TICRR: variants seen among roughly 807,000 people sequenced by gnomAD.
TICRR encodes the protein treslin.
A neutral mutation model predicts 178.1 loss-of-function variants in TICRR; 132 were observed. That is an observed-to-expected ratio of 0.74 (90% CI 0.64 to 0.86). The LOEUF is 0.86. Ranked by LOEUF, TICRR falls within the 40% of genes least tolerant of loss-of-function variation. TICRR has a pLI of 0.00. For synonymous variants in TICRR, 991 were observed against 900.7 expected (o/e 1.10, Z -1.79); for missense variants, 2,587 against 2,334.3 (o/e 1.11, Z -2.23).
At chr15:89,607,603 A>G (rs891025475) in intron 14 of TICRR, among the ~76,000 whole-genome samples, 1 of 152,188 alleles carries the variant, frequency 6.6e-6, no homozygotes, top group Non-Finnish European at 1.5e-5. Context: ...AGGAACTCTT[A>G]TAATGGAGAT....
In TICRR at chr15:89,601,408, G is replaced by A. The variant is rs375972053; in HGVS notation, c.2247+17G>A. The A allele has an allele frequency of 5.0e-6, 8 of 1,613,066 alleles. No homozygotes were observed. Among genetic ancestry groups the A allele is most frequent in the Admixed American group, 1.7e-5 (1 of 59,990 alleles). On this transcript the variant is annotated intron_variant, in intron 10 of 21. Coordinates refer to ENST00000268138, the MANE Select transcript of TICRR (RefSeq NM_152259.4). ...GTGGAGGAGGCAAGTATATAGTTTC[G>A]TGCCATTGAAATACGCCCTAGATGC...
Position 89,624,539 on chromosome 15 carries a change from C to T in TICRR, c.4229C>T (p.Thr1410Ile). ...PDASATPGVGTADSPAAPTDS... is the reference protein window; with the variant it reads ...PDASATPGVGIADSPAAPTDS... ...GCCTCCGCTACTCCTGGGGTTGGCA[C>T]AGCTGACAGCCCAGCTGCCCCCACA... Residue 1410 changes from threonine (T) to isoleucine (I), a missense_variant, in exon 20 of 22, where the codon ACA becomes ATA. Thr to Ile is a moderately conservative substitution (Grantham distance 89). Transcript: ENST00000268138. 1 of 1,613,844 alleles carries T rather than the reference C, an allele frequency of 6.2e-7. No individual in the cohort carries two copies. The highest frequency in any genetic ancestry group is 8.5e-7 in the Non-Finnish European group (1 of 1,179,884).
chr15:89,589,314 G>C (rs1241503653), intron 4 of TICRR, among the ~76,000 whole-genome samples: 2 of 152,164 alleles, frequency 1.3e-5, no homozygotes, highest in African/African-American at 2.4e-5. Flanking sequence ...TGTGAGTTTG[G>C]GGGGTAAGAA....
In TICRR at chr15:89,592,065, G is replaced by A. The variant is rs1567042466; in HGVS notation, c.1430G>A (p.Trp477Ter). The change falls in exon 5 of 22, where the codon TGG (tryptophan) becomes TAG (stop). Residue 477 changes from tryptophan (W) to a stop codon, truncating the protein, a stop_gained. Coordinates refer to ENST00000268138, the MANE Select transcript of TICRR (RefSeq NM_152259.4). LOFTEE classifies it high-confidence loss of function. The part of the protein sequence containing the change: ...TASAASPVPE[W>*]AQQELGHTTP... ...CCAATAGCTTCTCCTGTTCCAGAGT[G>A]GGCCCAGCAGGAGCTTGGCCACACC... is the stretch of plus-strand genomic sequence containing the variant. 2 of 1,611,036 alleles carry A rather than the reference G, an allele frequency of 1.2e-6. No individual in the cohort carries two copies. Among genetic ancestry groups the A allele is most frequent in the Admixed American group, 1.7e-5 (1 of 59,904 alleles).
rs753708184 is a variant in TICRR at position 89,624,253 on chromosome 15, C to G, written c.3943C>G (p.Pro1315Ala). 2 of 1,614,232 alleles carry G rather than the reference C, an allele frequency of 1.2e-6. No individual in the cohort carries two copies. Among genetic ancestry groups the G allele is most frequent in the African/African-American group, 1.3e-5 (1 of 75,060 alleles). ...TACGCCAAAGAAACTGTTTACCTCTCCTTTATGTGATGTCTCCAAGAAGAG... is the reference window on the plus strand; with the variant it reads ...TACGCCAAAGAAACTGTTTACCTCTGCTTTATGTGATGTCTCCAAGAAGAG... ...PVTPKKLFTS[P>A]LCDVSKKSPF... Residue 1315 changes from proline to alanine, a missense_variant, in exon 20 of 22, where the codon CCT (proline) becomes GCT (alanine). By Grantham distance (27) the Pro-to-Ala change is conservative. Transcript: ENST00000268138.
At chr15:89,602,721 A>G (rs1215467769) in intron 12 of TICRR, 75 bp from the exon 13 acceptor site, 8 of 650,608 alleles carry the variant, frequency 1.2e-5, no homozygotes, top group Non-Finnish European at 1.8e-5. Context: ...TATTTTACTT[A>G]GACTCCAGTT....
At chr15:89,618,107 A>ATTAC (rs993322859) in intron 16 of TICRR, 45 bp from the exon 17 acceptor site, 3 of 1,580,928 alleles carry the variant, frequency 1.9e-6, no homozygotes, top group Admixed American at 1.7e-5. Flanking sequence ...ATAAGTGTTA[A>ATTAC]TTACAAGTGG....
intron 17 of TICRR, 41 bp from the exon 18 acceptor site, chr15:89,619,667 G>C (rs1265645460): frequency 8.9e-6 from 14 of 1,576,538 alleles, no homozygotes; most frequent in Non-Finnish European, 1.2e-5. Context: ...TGTCAAGCTT[G>C]TAGTTGTCTT....
chr15:89,576,860 T>TATATATATATAC (rs1555419112), intron 1 of TICRR, among the ~76,000 whole-genome samples: 2 of 128,614 alleles, frequency 1.6e-5, no homozygotes, highest in African/African-American at 6.2e-5. Context: ...TATATATATA[T>TATATATATATAC]ACACACACAC....
At position 89,625,928 on chromosome 15, in the gene TICRR, C is replaced by A; in HGVS notation, c.5477-8C>A. On this transcript the variant is annotated splice_polypyrimidine_tract_variant and splice_region_variant and intron_variant, in intron 20 of 21. Transcript: ENST00000268138. ...GGACGCTGCTCTTACTATGTGGGAT[C>A]TCTTTAGGCTCCACCCCACCTCCCA... The A allele has an allele frequency of 6.4e-7, 1 of 1,556,598 alleles. No homozygotes were observed. The highest frequency in any genetic ancestry group is 8.6e-7 in the Non-Finnish European group (1 of 1,157,018).
At chr15:89,598,265 A>T (rs1029225599) in intron 7 of TICRR, among the ~76,000 whole-genome samples, 4 of 151,758 alleles carry the variant, frequency 2.6e-5, no homozygotes, top group Non-Finnish European at 5.9e-5. Flanking sequence ...GAGCCACCAC[A>T]CCCGGCCCAG....
chr15:89,586,413 C>A (rs1207189859), intron 4 of TICRR, among the ~76,000 whole-genome samples: 1 of 151,928 alleles, frequency 6.6e-6, no homozygotes, highest in Non-Finnish European at 1.5e-5. Flanking sequence ...ATTCATTCAA[C>A]AGATTTGAGT....
chr15:89,624,272 AG>A lies in TICRR; in HGVS notation c.3963del (p.Lys1322ArgfsTer9), dbSNP rs1963473862. On this transcript the variant is annotated frameshift_variant, in exon 20 of 22. Coordinates refer to ENST00000268138, the MANE Select transcript of TICRR (RefSeq NM_152259.4). LOFTEE classifies it high-confidence loss of function. ...ACCTCTCCTTTATGTGATGTCTCCA[AG>A]AAGAGTCCATTTAGGAAATCTAAAA... ...LFTSPLCDVSKKSPFRKSKIE... is the reference protein window; with the variant it reads ...LFTSPLCDVSXKSPFRKSKIE... 6.2e-7 allele frequency: 1 copy of A among 1,614,084 alleles called. No individual in the cohort carries two copies. The highest frequency in any genetic ancestry group is 1.7e-5 in the Admixed American group (1 of 60,004).
Position 89,595,542 on chromosome 15 carries a change from A to T in TICRR, c.1831A>T (p.Ile611Leu). Reference sequence around the variant, plus strand: ...GGCTGGGGAGAAAGGAATCCAAAAGATACCTAGTGGGAGAACAGTGGATAA... The same window carrying T: ...GGCTGGGGAGAAAGGAATCCAAAAGTTACCTAGTGGGAGAACAGTGGATAA... ...DVAGEKGIQK[I>L]PSGRTVDKLE... Residue 611 changes from isoleucine to leucine, a missense_variant, in exon 7 of 22, where the codon ATA (isoleucine) becomes TTA (leucine). Coordinates refer to ENST00000268138, the MANE Select transcript of TICRR (RefSeq NM_152259.4). The T allele has an allele frequency of 6.2e-7, 1 of 1,614,230 alleles. No individual in the cohort carries two copies. The highest frequency in any genetic ancestry group is 8.5e-7 in the Non-Finnish European group (1 of 1,180,042).
chr15:89,590,925 G>C (rs1962900982), intron 4 of TICRR, among the ~76,000 whole-genome samples: 1 of 152,118 alleles, frequency 6.6e-6, no homozygotes, highest in Non-Finnish European at 1.5e-5. Context: ...GGATCTCTCA[G>C]AATTACAGAG....
chr15:89,598,542 T>G lies in TICRR; in HGVS notation c.1901-782T>G, dbSNP rs565285687. On this transcript the variant is annotated intron_variant, in intron 7 of 21. Transcript: ENST00000268138. ...TACGCCCGGGTAATTTTTGGTATTTTTAGTAGAGAAGAGGTTTCACCATGT... is the reference window on the plus strand; with the variant it reads ...TACGCCCGGGTAATTTTTGGTATTTGTAGTAGAGAAGAGGTTTCACCATGT... 1.6e-3 allele frequency among the ~76,000 whole-genome samples: 237 copies of G among 152,040 alleles called. 2 individuals carry two copies. Among genetic ancestry groups the G allele is most frequent in the Non-Finnish European group, 2.8e-3 (190 of 67,978 alleles).
chr15:89,619,221 C>CTTTTTT (rs386383750), intron 17 of TICRR, among the ~76,000 whole-genome samples: 1,448 of 111,930 alleles, frequency 0.013, 93 homozygotes, highest in African/African-American at 0.046. Flanking sequence ...CACCATTCTT[C>CTTTTTT]TTTTTTTTTT....
intron 15 of TICRR, among the ~76,000 whole-genome samples, chr15:89,613,311 G>C (rs1963281660): frequency 1.3e-5 from 2 of 152,150 alleles, no homozygotes; most frequent in Non-Finnish European, 2.9e-5. Flanking sequence ...TCTCATCAAG[G>C]ATCTGTACAC....
intron 8 of TICRR, among the ~76,000 whole-genome samples, chr15:89,600,377 GT>G (rs1963073527): frequency 6.6e-6 from 1 of 152,116 alleles, no homozygotes; most frequent in Admixed American, 6.6e-5. Flanking sequence ...GGGCAGGCTT[GT>G]TTTATCCATG....
Sources: gnomAD v4.1 joint callset for allele counts (sites outside exome capture counted in the v4.1 genomes callset) on GRCh38, gnomAD v4.1.1 for gene constraint, MANE v1.5 for transcripts, NCBI Gene and HGNC (gene_info 2026-07-23, HGNC 2026-07-21) for gene names.